The following FERRY3 variants were observed in gnomAD, a reference collection of about 807,000 sequenced individuals.
FERRY3 encodes the protein FERRY endosomal RAB5 effector complex subunit 3.
At chr12:4,502,419 C>T in the FERRY3 span, 1 of 454,396 alleles carries the variant, frequency 2.2e-6, no homozygotes. The surrounding 1 kb of genome is among the most constrained non-coding windows in gnomAD (Gnocchi z 4.2). Flanking sequence ...CCTACCATCA[C>T]TCTTTTTTCT....
the FERRY3 span, chr12:4,491,101 C>G: frequency 1.5e-6 from 2 of 1,340,214 alleles, no homozygotes; most frequent in Non-Finnish European, 2.1e-6. Flanking sequence ...TTCACATTCT[C>G]TCTTCTGGGT....
chr12:4,502,939 T>A, the FERRY3 span, among the ~76,000 whole-genome samples: 1 of 152,156 alleles, frequency 6.6e-6, no homozygotes, highest in Non-Finnish European at 1.5e-5. The surrounding 1 kb of genome is among the most constrained non-coding windows in gnomAD (Gnocchi z 4.2). Flanking sequence ...TAGTTATAAT[T>A]TTCTAGGAAG....
At chr12:4,510,957 G>C in the FERRY3 span, among the ~76,000 whole-genome samples, 4 of 152,090 alleles carry the variant, frequency 2.6e-5, no homozygotes, top group Non-Finnish European at 5.9e-5. Context: ...ATTGGATAAA[G>C]AGTCAAGACC....
chr12:4,513,516 A>C, the FERRY3 span, among the ~76,000 whole-genome samples: 9 of 150,390 alleles, frequency 6.0e-5, no homozygotes, highest in African/African-American at 2.2e-4. Context: ...ACAGTAACCA[A>C]AACAGCATGG....
chr12:4,538,423 A>C, the FERRY3 span: 1 of 159,842 alleles, frequency 6.3e-6, no homozygotes, highest in Admixed American at 6.0e-5. Context: ...TCTAGTTCCG[A>C]AGTCCTGGGC....
chr12:4,521,896 A>C, the FERRY3 span, among the ~76,000 whole-genome samples: 1 of 152,238 alleles, frequency 6.6e-6, no homozygotes, highest in South Asian at 2.1e-4. Context: ...TATCTTAGGC[A>C]AGATAGAAAC....
chr12:4,491,119 C>T, the FERRY3 span: 1 of 1,528,526 alleles, frequency 6.5e-7, no homozygotes, highest in African/African-American at 1.4e-5. Flanking sequence ...GGTTGCTCTA[C>T]TTTCAATGTT....
At chr12:4,524,473 T>C in the FERRY3 span, among the ~76,000 whole-genome samples, 90 of 151,258 alleles carry the variant, frequency 6.0e-4, no homozygotes, top group Non-Finnish European at 1.1e-3. Flanking sequence ...TATGTGCTAG[T>C]GTCAAGAGCT....
chr12:4,525,550 T>A, the FERRY3 span: 1 of 1,612,074 alleles, frequency 6.2e-7, no homozygotes, highest in Non-Finnish European at 8.5e-7. Context: ...ATTTTCCCAA[T>A]TCCTGCATGA....
chr12:4,492,558 T>C, the FERRY3 span, among the ~76,000 whole-genome samples: 1 of 152,238 alleles, frequency 6.6e-6, no homozygotes, highest in South Asian at 2.1e-4. Flanking sequence ...GCCGTTTACC[T>C]ATTGTTGTAA....
At chr12:4,489,920 A>G in the FERRY3 span, 2 of 1,413,546 alleles carry the variant, frequency 1.4e-6, no homozygotes, top group African/African-American at 1.4e-5. Flanking sequence ...AAAAAATAAT[A>G]ATTGCACTTG....
the FERRY3 span, chr12:4,516,976 A>G: frequency 4.3e-6 from 5 of 1,153,160 alleles, no homozygotes; most frequent in Admixed American, 3.1e-5. Context: ...TTCCACCAAC[A>G]TAATTTTCTA....
At chr12:4,520,659 T>C in the FERRY3 span, among the ~76,000 whole-genome samples, 1 of 152,170 alleles carries the variant, frequency 6.6e-6, no homozygotes, top group African/African-American at 2.4e-5. Context: ...AGACTACACA[T>C]TGGGTACAGT....
At chr12:4,507,721 A>T in the FERRY3 span, among the ~76,000 whole-genome samples, 1 of 152,246 alleles carries the variant, frequency 6.6e-6, no homozygotes, top group Non-Finnish European at 1.5e-5. Flanking sequence ...ACAGCATAAA[A>T]GTATGAGGAT....
chr12:4,523,978 G>A, the FERRY3 span, among the ~76,000 whole-genome samples: 6 of 151,246 alleles, frequency 4.0e-5, no homozygotes, highest in East Asian at 1.9e-4. Context: ...TAAAAAAAAA[G>A]AAATTGATTC....
At chr12:4,491,090 TTTCACA>T in the FERRY3 span, 1 of 1,224,430 alleles carries the variant, frequency 8.2e-7, no homozygotes, top group Non-Finnish European at 1.2e-6. Flanking sequence ...CAGGGGTATC[TTTCACA>T]TTCTCTCTTC....
chr12:4,500,299 G>C, the FERRY3 span: 1 of 1,613,976 alleles, frequency 6.2e-7, no homozygotes, highest in Non-Finnish European at 8.5e-7. Context: ...AAAGCAACAT[G>C]GATTTCTGAG....
At chr12:4,529,523 G>A in the FERRY3 span, among the ~76,000 whole-genome samples, 1 of 152,096 alleles carries the variant, frequency 6.6e-6, no homozygotes, top group Non-Finnish European at 1.5e-5. Flanking sequence ...AATAATAGTA[G>A]GGTTATGGTA....
At chr12:4,532,085 AT>A in the FERRY3 span, among the ~76,000 whole-genome samples, 4,653 of 135,470 alleles carry the variant, frequency 0.034, 211 homozygotes, top group African/African-American at 0.11. Context: ...TAAATTGTGA[AT>A]TTTTTTTTTT....
Sources: gnomAD v4.1 joint callset for allele counts (sites outside exome capture counted in the v4.1 genomes callset) on GRCh38, gnomAD v4.1.1 for gene constraint, Gnocchi (gnomAD v3.1) non-coding constraint, MANE v1.5 for transcripts, NCBI Gene and HGNC (gene_info 2026-07-23, HGNC 2026-07-21) for gene names.